The following BCHE variants were observed in gnomAD, a reference collection of about 807,000 sequenced individuals.
The protein encoded by BCHE is butyrylcholinesterase.
Under a neutral mutation model 51.3 loss-of-function variants are expected in BCHE, and 48 were observed. The observed-to-expected ratio is 0.94, with a 90% confidence interval of 0.74 to 1.19. The LOEUF is 1.19. Ranked by LOEUF, BCHE falls within the 50% of genes most tolerant of loss-of-function variation. The probability of loss-of-function intolerance (pLI) is 0.00; values close to 1 mark genes in which losing one functional copy is unlikely to be tolerated. For synonymous variants in BCHE, 251 were observed against 238.0 expected, an observed-to-expected ratio of 1.05 and a Z score of -0.50; for missense variants, 847 against 708.2, an observed-to-expected ratio of 1.20 and a Z score of -2.23.
At chr3:165,785,051 A>G (rs771165273) in intron 3 of BCHE, among the ~76,000 whole-genome samples, 3 of 151,696 alleles carry the variant, frequency 2.0e-5, no homozygotes, top group Non-Finnish European at 1.5e-5. Flanking sequence ...TATCAGAAAC[A>G]TTTCCCAAGC....
rs121918556 is a variant in BCHE, at chr3:165,786,255, T to A, written c.1574A>T (p.Glu525Val). The change falls in exon 3 of 4, where the codon GAA becomes GTA. Residue 525 changes from glutamate to valine, a missense_variant. Transcript: ENST00000264381. ...TGTATTCAAGGTTAGATATTTTTGT[T>A]CAGTGCTTTTGAAGACAGGCCAGCT... is the stretch of plus-strand genomic sequence containing the variant. Reference protein sequence around the residue: ...STSWPVFKSTEQKYLTLNTES... With the variant: ...STSWPVFKSTVQKYLTLNTES... 40 of 1,612,136 alleles carry A rather than the reference T, an allele frequency of 2.5e-5. No homozygotes were observed. The highest frequency in any genetic ancestry group is 3.3e-5 in the Non-Finnish European group (39 of 1,178,750).
chr3:165,820,406 T>A (rs1450445670), intron 2 of BCHE, among the ~76,000 whole-genome samples: 2 of 152,120 alleles, frequency 1.3e-5, no homozygotes, highest in Non-Finnish European at 2.9e-5. Flanking sequence ...TAAGGTAAGT[T>A]ACAGGAATAC....
chr3:165,800,285 T>C (rs1271144683), intron 2 of BCHE, among the ~76,000 whole-genome samples: 3 of 152,140 alleles, frequency 2.0e-5, no homozygotes, highest in Non-Finnish European at 4.4e-5. Context: ...TCACTTTTAA[T>C]AATGGAATAT....
Position 165,779,043 on chromosome 3 carries a change from C to G in BCHE, c.1685-5537G>C, listed in dbSNP as rs139365513. ...CCCACCCACAAAATACTTATGTTGG[C>G]TTTAACAAAAATGTTAAGTGGTGTT... On this transcript the variant is annotated intron_variant, in intron 3 of 3. Coordinates refer to ENST00000264381, the MANE Select transcript of BCHE (RefSeq NM_000055.4). Among the ~76,000 whole-genome samples the G allele has an allele frequency of 2.4e-4, 37 of 152,206 alleles. No homozygotes were observed. In the East Asian group the frequency reaches 6.6e-3, roughly 27 times the overall value.
intron 3 of BCHE, chr3:165,778,792 T>C (rs1261874455): frequency 2.6e-6 from 1 of 387,262 alleles, no homozygotes; most frequent in African/African-American, 2.1e-5. Flanking sequence ...AGATAAATTA[T>C]ATTTCTATTA....
At chr3:165,818,675 C>A (rs922737066) in intron 2 of BCHE, among the ~76,000 whole-genome samples, 1 of 151,942 alleles carries the variant, frequency 6.6e-6, no homozygotes, top group Non-Finnish European at 1.5e-5. Flanking sequence ...ACTACCAACA[C>A]GAAGATCATG....
Position 165,812,948 on chromosome 3 carries a change from A to C in BCHE, c.1517+16569T>G, listed in dbSNP as rs556711798. 2.6e-5 allele frequency among the ~76,000 whole-genome samples: 4 copies of C among 152,078 alleles called. No individual in the cohort carries two copies. The South Asian group carries it at 8.3e-4, about 32-fold the overall frequency. On this transcript the variant is annotated intron_variant, in intron 2 of 3. Coordinates refer to ENST00000264381, the MANE Select transcript of BCHE (RefSeq NM_000055.4). ...CCTCTTTCTCTGTGTCCTCATTGAA[A>C]GCTACTATAAATGTTCAATATCCTT... is the stretch of plus-strand genomic sequence containing the variant.
At chr3:165,800,985 A>G (rs1713619011) in intron 2 of BCHE, among the ~76,000 whole-genome samples, 1 of 152,204 alleles carries the variant, frequency 6.6e-6, no homozygotes, top group Non-Finnish European at 1.5e-5. Flanking sequence ...GTAATTTGGA[A>G]CTGGCTATTG....
intron 2 of BCHE, among the ~76,000 whole-genome samples, chr3:165,825,593 G>T (rs1714689189): frequency 1.3e-5 from 2 of 151,882 alleles, no homozygotes; most frequent in Non-Finnish European, 2.9e-5. Flanking sequence ...GGGTACATGT[G>T]CACAACGTAC....
At chr3:165,786,423 A>G in intron 2 of BCHE, 112 bp from the exon 3 acceptor site, 1 of 1,025,794 alleles carries the variant, frequency 9.7e-7, no homozygotes, top group Non-Finnish European at 1.4e-6. Flanking sequence ...AGACAGAAAA[A>G]ATGTGGATAT....
At chr3:165,798,456 GC>G in intron 2 of BCHE, among the ~76,000 whole-genome samples, 1 of 152,122 alleles carries the variant, frequency 6.6e-6, no homozygotes, top group African/African-American at 2.4e-5. Flanking sequence ...CACTTCTTAT[GC>G]AAAAACTCAG....
intron 2 of BCHE, among the ~76,000 whole-genome samples, chr3:165,821,579 C>T (rs1446178853): frequency 6.6e-6 from 1 of 151,758 alleles, no homozygotes; most frequent in Non-Finnish European, 1.5e-5. Context: ...ATTAAAATTA[C>T]ATTAAAAACA....
Position 165,829,732 on chromosome 3 carries a change from G to T in BCHE, c.1302C>A (p.Thr434=), listed in dbSNP as rs780384860. Residue 434 remains threonine (T), a synonymous_variant, in exon 2 of 4, where the codon ACC becomes ACA. Transcript: ENST00000264381. ...TATTTCCCCATTCTGAGAACTTCTT[G>T]GTGAACTCCAAGGCAGGGCATATGA... ...YNFICPALEF[T]KKFSEWGNNA... 5 of 1,613,840 alleles carry T rather than the reference G, an allele frequency of 3.1e-6. No individual in the cohort carries two copies. The highest frequency in any genetic ancestry group is 4.2e-6 in the Non-Finnish European group (5 of 1,179,894).
intron 2 of BCHE, among the ~76,000 whole-genome samples, chr3:165,825,489 C>T (rs1043337576): frequency 6.6e-5 from 10 of 152,036 alleles, no homozygotes; most frequent in Admixed American, 5.2e-4. Context: ...TGAAATTCAA[C>T]ATTTTAAAAA....
At chr3:165,834,835 C>A (rs1005079846) in intron 1 of BCHE, among the ~76,000 whole-genome samples, 1 of 151,484 alleles carries the variant, frequency 6.6e-6, no homozygotes, top group African/African-American at 2.4e-5. Flanking sequence ...ATGTGCACAA[C>A]GTGCAGGTTT....
Position 165,830,979 on chromosome 3 carries a change from G to A in BCHE, c.55C>T (p.Leu19Phe). The A allele has an allele frequency of 6.2e-7, 1 of 1,613,700 alleles. No homozygotes were observed. The highest frequency in any genetic ancestry group is 1.1e-5 in the South Asian group (1 of 91,080). ...CIRFLFWFLL[L>F]CMLIGKSHTE... ...TGTGACTTCCCAATAAGCATGCAGA[G>A]CAAAAGAAACCAAAAGAGAAATCTG... Residue 19 changes from leucine to phenylalanine, a missense_variant, in exon 2 of 4, where the codon CTC becomes TTC. Transcript: ENST00000264381.
chr3:165,827,340 T>C (rs916093977), intron 2 of BCHE, among the ~76,000 whole-genome samples: 1 of 151,996 alleles, frequency 6.6e-6, no homozygotes, highest in Non-Finnish European at 1.5e-5. Flanking sequence ...TTTAACTCTT[T>C]ATAGCTTATG....
chr3:165,804,338 C>A (rs1371416363), intron 2 of BCHE, among the ~76,000 whole-genome samples: 2 of 151,708 alleles, frequency 1.3e-5, no homozygotes, highest in Non-Finnish European at 2.9e-5. Flanking sequence ...GGGAAAGTAG[C>A]TATTAAACAA....
At chr3:165,831,733 T>C (rs560160472) in intron 1 of BCHE, among the ~76,000 whole-genome samples, 2 of 152,292 alleles carry the variant, frequency 1.3e-5, no homozygotes, top group East Asian at 3.9e-4. Flanking sequence ...TAGTAAGGGC[T>C]ATGGAAAAAA....
Sources: gnomAD v4.1 joint callset for allele counts (sites outside exome capture counted in the v4.1 genomes callset) on GRCh38, gnomAD v4.1.1 for gene constraint, MANE v1.5 for transcripts, NCBI Gene and HGNC (gene_info 2026-07-23, HGNC 2026-07-21) for gene names.